The following CCDC85C variants were observed in gnomAD, a reference collection of about 807,000 sequenced individuals.
The protein encoded by CCDC85C is coiled-coil domain-containing protein 85C.
A neutral mutation model predicts 38.3 loss-of-function variants in CCDC85C; 18 were observed. The ratio of observed to expected loss-of-function variants is 0.47; its 90% CI spans 0.33 to 0.70. CCDC85C has a LOEUF of 0.70. Among genes scored for constraint, CCDC85C ranks in the 30% least tolerant of loss-of-function variants. The probability of loss-of-function intolerance (pLI) is 0.03; values close to 1 mark genes in which losing one functional copy is unlikely to be tolerated. For missense variants in CCDC85C, 566 were observed against 621.2 expected (o/e 0.91, Z 0.94); for synonymous variants, 264 against 293.8 (o/e 0.90, Z 1.04).
At position 99,501,608 on chromosome 14, in the gene CCDC85C, G is replaced by C; in HGVS notation, c.*13638C>G. 1 of 567,780 alleles carries C rather than the reference G, an allele frequency of 1.8e-6. No homozygotes were observed. The highest frequency in any genetic ancestry group is 3.1e-6 in the Non-Finnish European group (1 of 322,652). 35.2% of individuals were successfully genotyped at this position (567,780 alleles called of 1,614,324 possible). On this transcript the variant is annotated 3_prime_UTR_variant, in exon 6 of 6. Coordinates refer to ENST00000380243, the MANE Select transcript of CCDC85C (RefSeq NM_001144995.2). ...GCAGAGGGTTTCCTTCTGCCCTGCCGTGTCATGGTGTTGTGAGGTGCTGAA... is the reference window on the plus strand; with the variant it reads ...GCAGAGGGTTTCCTTCTGCCCTGCCCTGTCATGGTGTTGTGAGGTGCTGAA...
intron 2 of CCDC85C, chr14:99,522,997 C>G (rs1897323264): frequency 6.6e-6 from 1 of 152,376 alleles, no homozygotes; most frequent in African/African-American, 2.4e-5. Context: ...CCTCCCCTGG[C>G]CCGGCCCAGC....
chr14:99,502,324 T>C lies in CCDC85C; in HGVS notation c.*12922A>G, dbSNP rs764864837. ...AAGAATGGACCTCCAAACCCATGTATAGGAGATGGTGGGAGCAGTTTGTTC... is the reference window on the plus strand; with the variant it reads ...AAGAATGGACCTCCAAACCCATGTACAGGAGATGGTGGGAGCAGTTTGTTC... On this transcript the variant is annotated 3_prime_UTR_variant, in exon 6 of 6. Coordinates refer to ENST00000380243, the MANE Select transcript of CCDC85C (RefSeq NM_001144995.2). 8 of 1,613,624 alleles carry C rather than the reference T, an allele frequency of 5.0e-6. No homozygotes were observed. The highest frequency in any genetic ancestry group is 6.8e-6 in the Non-Finnish European group (8 of 1,179,802).
At chr14:99,596,747 T>C (rs4900436) in intron 1 of CCDC85C, among the ~76,000 whole-genome samples, 114,454 of 152,118 alleles carry the variant, frequency 0.75, 44,572 homozygotes, top group South Asian at 0.88. Context: ...GGGATGCCAA[T>C]AGAGTCTCTT....
chr14:99,521,709 C>CA (rs1262649703), intron 3 of CCDC85C, among the ~76,000 whole-genome samples: 1 of 152,224 alleles, frequency 6.6e-6, no homozygotes, highest in African/African-American at 2.4e-5. Flanking sequence ...CCAAGCCGCC[C>CA]ACCCCATTCC....
rs923162460 is a variant in CCDC85C at position 99,603,627 on chromosome 14, G to A, written c.333C>T (p.His111=). The change falls in exon 1 of 6, where the codon CAC becomes CAT. Residue 111 remains histidine, a synonymous_variant. Coordinates refer to ENST00000380243, the MANE Select transcript of CCDC85C (RefSeq NM_001144995.2). This position sits in a 1 kb window ranked among gnomAD's most constrained non-coding sequence, Gnocchi z 7.5. ...CCTCGTGCCACACGGCGCCGGCCGC[G>A]TGGCGCCCGAAGCGCTGCCACTCGC... is the stretch of plus-strand genomic sequence containing the variant. ...LAREWQRFGR[H]AAGAVWHEVA... 1.6e-5 allele frequency: 24 copies of A among 1,463,782 alleles called. No homozygotes were observed. The highest frequency in any genetic ancestry group is 2.1e-5 in the Non-Finnish European group (23 of 1,109,892). 90.7% of individuals were successfully genotyped at this position (1,463,782 alleles called of 1,614,324 possible). A position where few individuals can be genotyped will look rare whatever the true frequency, so the allele number is the denominator to read the frequency against.
chr14:99,564,483 G>T (rs1051893760), intron 1 of CCDC85C, among the ~76,000 whole-genome samples: 1 of 152,224 alleles, frequency 6.6e-6, no homozygotes, highest in Non-Finnish European at 1.5e-5. Flanking sequence ...GAGCCTTCCT[G>T]ATTTCCCTAT....
At position 99,501,711 on chromosome 14, in the gene CCDC85C, T is replaced by A; in HGVS notation, c.*13535A>T. 2.8e-6 allele frequency: 1 copy of A among 355,950 alleles called. No homozygotes were observed. The highest frequency in any genetic ancestry group is 5.1e-6 in the Non-Finnish European group (1 of 197,908). The allele number at this position is 355,950 out of a possible 1,614,324, so 22.0% of individuals were successfully genotyped here. ...GAAAACTAATTACTTAGAGCCCATT[T>A]GGTTTTGCAAAAATATACTTCCTGG... On this transcript the variant is annotated 3_prime_UTR_variant, in exon 6 of 6. Transcript: ENST00000380243.
rs1221380988 is a variant in CCDC85C, at chr14:99,503,863, G to C, written c.*11383C>G. On this transcript the variant is annotated 3_prime_UTR_variant, in exon 6 of 6. Transcript: ENST00000380243. ...AGCTATCAGTACAGAAAACATTACT[G>C]GCAATAAAAATGTACTCAGTAACAT... is the stretch of plus-strand genomic sequence containing the variant. The C allele has an allele frequency of 1.1e-5, 6 of 553,092 alleles. No homozygotes were observed. Among genetic ancestry groups the C allele is most frequent in the Non-Finnish European group, 1.9e-5 (6 of 311,894 alleles). The allele number at this position is 553,092 out of a possible 1,614,324, so 34.3% of individuals were successfully genotyped here. A position where few individuals can be genotyped will look rare whatever the true frequency, so the allele number is the denominator to read the frequency against.
Position 99,502,360 on chromosome 14 carries a change from G to A in CCDC85C, c.*12886C>T, listed in dbSNP as rs367888657. ...GGGAGCAGTTTGTTCAAGATGTCCC[G>A]GTCGACGTTTTGGAAGGTACCAGGC... On this transcript the variant is annotated 3_prime_UTR_variant, in exon 6 of 6. Coordinates refer to ENST00000380243, the MANE Select transcript of CCDC85C (RefSeq NM_001144995.2). The A allele has an allele frequency of 2.2e-5, 36 of 1,613,272 alleles. No individual in the cohort carries two copies. The highest frequency in any genetic ancestry group is 1.6e-4 in the Middle Eastern group (1 of 6,082).
chr14:99,553,676 C>G (rs924499311), intron 1 of CCDC85C, among the ~76,000 whole-genome samples: 1 of 152,164 alleles, frequency 6.6e-6, no homozygotes, highest in African/African-American at 2.4e-5. Flanking sequence ...CTCTTGAACA[C>G]GTGGCATCCC....
intron 1 of CCDC85C, among the ~76,000 whole-genome samples, chr14:99,594,229 C>T (rs779798247): frequency 2.6e-5 from 4 of 152,160 alleles, no homozygotes; most frequent in Non-Finnish European, 4.4e-5. Flanking sequence ...GCAGAGGAAC[C>T]TCGAGTCCAG....
intron 1 of CCDC85C, among the ~76,000 whole-genome samples, chr14:99,589,207 C>T (rs8017663): frequency 1.2e-4 from 18 of 150,528 alleles, no homozygotes; most frequent in Admixed American, 2.0e-4. Context: ...CAGCCACGGC[C>T]GGGATCAACA....
rs1016665345 is a variant in CCDC85C, at chr14:99,578,887, G to A, written c.793+24280C>T. ...GACCGTGCCGTGGAAGGCTCTAGGT[G>A]ACAGGTGGATGTGGTCCGTGTCACC... On this transcript the variant is annotated intron_variant, in intron 1 of 5. Coordinates refer to ENST00000380243, the MANE Select transcript of CCDC85C (RefSeq NM_001144995.2). Among the ~76,000 whole-genome samples, 13 of 151,920 alleles carry A rather than the reference G, an allele frequency of 8.6e-5. No individual in the cohort carries two copies. In the East Asian group the frequency reaches 2.1e-3, roughly 25 times the overall value.
At chr14:99,575,203 C>T (rs1898447611) in intron 1 of CCDC85C, among the ~76,000 whole-genome samples, 1 of 152,214 alleles carries the variant, frequency 6.6e-6, no homozygotes, top group African/African-American at 2.4e-5. Flanking sequence ...GGTGAGGCCG[C>T]GTCCTGGCCC....
chr14:99,527,503 T>C (rs569431047), intron 2 of CCDC85C, among the ~76,000 whole-genome samples: 37 of 151,420 alleles, frequency 2.4e-4, no homozygotes, highest in Non-Finnish European at 4.6e-4. Context: ...GGCAGGAGAG[T>C]GGCCAGTGCC....
chr14:99,565,824 A>G (rs988638695), intron 1 of CCDC85C, among the ~76,000 whole-genome samples: 13 of 152,216 alleles, frequency 8.5e-5, no homozygotes, highest in Non-Finnish European at 1.2e-4. Flanking sequence ...ATGGGTTTCC[A>G]GAAGGCCAGG....
In CCDC85C at chr14:99,504,053, GC is replaced by G; in HGVS notation, c.*11192del. On this transcript the variant is annotated 3_prime_UTR_variant, in exon 6 of 6. Coordinates refer to ENST00000380243, the MANE Select transcript of CCDC85C (RefSeq NM_001144995.2). ...GTGCTGCCCGGACAGCACCAGCCCG[GC>G]CCAGCCCAGCTGCCCTTGCAGGCAA... 2.6e-6 allele frequency: 1 copy of G among 379,588 alleles called. No individual in the cohort carries two copies. 23.5% of individuals were successfully genotyped at this position (379,588 alleles called of 1,614,324 possible).
chr14:99,517,736 T>C (rs1897249048), intron 3 of CCDC85C, among the ~76,000 whole-genome samples: 2 of 152,154 alleles, frequency 1.3e-5, no homozygotes, highest in Non-Finnish European at 2.9e-5. Flanking sequence ...ACATCAGGCC[T>C]TGGGGAGGGG....
intron 1 of CCDC85C, among the ~76,000 whole-genome samples, chr14:99,554,593 C>A (rs1252502540): frequency 6.6e-6 from 1 of 152,178 alleles, no homozygotes; most frequent in African/African-American, 2.4e-5. Context: ...CAAATGAGGA[C>A]CCCGGTCAAT....
Sources: allele counts gnomAD v4.1 joint callset (sites outside exome capture counted in the v4.1 genomes callset), GRCh38; gene constraint gnomAD v4.1.1; non-coding constraint Gnocchi (gnomAD v3.1); transcripts MANE v1.5; gene names NCBI Gene and HGNC (gene_info 2026-07-23, HGNC 2026-07-21).